Variants in LIPA observed in about 807,000 individuals in gnomAD.
The protein encoded by LIPA is lipase A, lysosomal acid type, also known as lysosomal acid lipase/cholesteryl ester hydrolase.
Under a neutral mutation model 40.6 loss-of-function variants are expected in LIPA, and 26 were observed. The ratio of observed to expected loss-of-function variants is 0.64; its 90% CI spans 0.47 to 0.89. The LOEUF is 0.89. Ranked by LOEUF, LIPA falls within the 40% of genes least tolerant of loss-of-function variation. The pLI is 0.00. For missense variants in LIPA, 455 were observed against 479.6 expected (o/e 0.95, Z 0.48); for synonymous variants, 188 against 168.4 (o/e 1.12, Z -0.90).
At position 89,384,900 on chromosome 10, in the gene LIPA, T is replaced by C; in HGVS notation, c.61+27891A>G. The C allele has an allele frequency of 5.0e-6, 3 of 597,934 alleles. No individual in the cohort carries two copies. In the East Asian group the frequency reaches 8.4e-5, roughly 17 times the overall value. The allele number at this position is 597,934 out of a possible 1,614,324, so 37.0% of individuals were successfully genotyped here. On this transcript the variant is annotated intron_variant, in intron 2 of 8. Coordinates refer to the LIPA transcript ENST00000371837. The stretch of plus-strand genomic sequence containing the variant: ...TTATGTAGCATGCAACTGCAACTTC[T>C]GCTTTTTCCTGTAAATGATCAGGAA...
At position 89,226,999 on chromosome 10, in the gene LIPA, T is replaced by C; in HGVS notation, c.434A>G (p.Asp145Gly). 1.9e-6 allele frequency: 3 copies of C among 1,587,650 alleles called. No homozygotes were observed. Among genetic ancestry groups the C allele is most frequent in the Non-Finnish European group, 2.6e-6 (3 of 1,155,868 alleles). The stretch of plus-strand genomic sequence containing the variant: ...TGGTAGGTCATATTTTGCCATCTCA[T>C]CATAACTGTAATCCAAGAAAGGAAC... ...SQDEFWAFSY[D>G]EMAKYDLPAS... Residue 145 changes from aspartate (D) to glycine (G), a missense_variant, in exon 5 of 10, where the codon GAT becomes GGT. Physicochemically the swap from Asp to Gly is moderately conservative, Grantham distance 94. Coordinates refer to ENST00000336233, the MANE Select transcript of LIPA (RefSeq NM_000235.4).
At chr10:89,381,936 T>G (rs756924233) in intron 2 of LIPA, among the ~76,000 whole-genome samples, 1 of 151,886 alleles carries the variant, frequency 6.6e-6, no homozygotes, top group African/African-American at 2.4e-5. Context: ...CGCTGGCTAA[T>G]TTTTTGTATT....
At chr10:89,268,424 T>C (rs1477123462) in intron 1 of LIPA, among the ~76,000 whole-genome samples, 2 of 152,244 alleles carry the variant, frequency 1.3e-5, no homozygotes, top group Non-Finnish European at 2.9e-5. Context: ...GACAGTAATT[T>C]TTTTTATAAA....
intron 1 of LIPA, among the ~76,000 whole-genome samples, chr10:89,320,123 C>A (rs1024535961): frequency 4.6e-5 from 7 of 152,114 alleles, no homozygotes; most frequent in African/African-American, 7.2e-5. Flanking sequence ...ACTGAATGGG[C>A]AAAAACTGGA....
chr10:89,332,714 T>G (rs946786963), intron 1 of LIPA: 2 of 1,307,138 alleles, frequency 1.5e-6, no homozygotes, highest in Non-Finnish European at 2.2e-6. Flanking sequence ...TGCTTAGAGA[T>G]GAAATATGCA....
chr10:89,222,542 G>A lies in LIPA; in HGVS notation c.863C>T (p.Thr288Ile), dbSNP rs1306336545. The A allele has an allele frequency of 1.2e-6, 2 of 1,610,564 alleles. No individual in the cohort carries two copies. ...DVYTTHSPAGTSVQNMLHWSQ... is the reference protein window; with the variant it reads ...DVYTTHSPAGISVQNMLHWSQ... Reference sequence around the variant, plus strand: ...CCAGTGTAACATGTTTTGCACAGAAGTTCCAGCAGGAGAATGTGTTGTATA... The same window carrying A: ...CCAGTGTAACATGTTTTGCACAGAAATTCCAGCAGGAGAATGTGTTGTATA... Residue 288 changes from threonine to isoleucine, a missense_variant, in exon 8 of 10, where the codon ACT becomes ATT. Transcript: ENST00000336233.
intron 2 of LIPA, among the ~76,000 whole-genome samples, chr10:89,370,083 C>T (rs1448368147): frequency 3.9e-5 from 6 of 152,240 alleles, no homozygotes; most frequent in South Asian, 2.1e-4. Context: ...AGCCACTATG[C>T]AGCTATTTCA....
intron 1 of LIPA, among the ~76,000 whole-genome samples, chr10:89,287,816 A>G (rs1375783091): frequency 6.6e-6 from 1 of 152,188 alleles, no homozygotes; most frequent in Non-Finnish European, 1.5e-5. Flanking sequence ...GACAGGTCTT[A>G]CAGGTTAGTT....
intron 1 of LIPA, among the ~76,000 whole-genome samples, chr10:89,325,123 C>T (rs1843591945): frequency 6.6e-6 from 1 of 152,110 alleles, no homozygotes; most frequent in African/African-American, 2.4e-5. Context: ...TACTCAATAT[C>T]ATTAATCATT....
intron 2 of LIPA, among the ~76,000 whole-genome samples, chr10:89,381,054 C>T (rs1844159010): frequency 6.6e-6 from 1 of 152,120 alleles, no homozygotes; most frequent in Non-Finnish European, 1.5e-5. Context: ...CAATGCATGG[C>T]CATGATTAGA....
At chr10:89,338,022 G>A (rs1401499469) in intron 1 of LIPA, among the ~76,000 whole-genome samples, 2 of 152,180 alleles carry the variant, frequency 1.3e-5, no homozygotes, top group African/African-American at 2.4e-5. Context: ...GTAGGCTAAT[G>A]TAAGGGTTCT....
At chr10:89,268,985 C>A (rs1254127207) in intron 1 of LIPA, among the ~76,000 whole-genome samples, 22 of 140,054 alleles carry the variant, frequency 1.6e-4, no homozygotes, top group South Asian at 2.3e-4. Context: ...GACTCTGTCT[C>A]AAAAAAAAAA....
chr10:89,337,014 GA>G (rs1196892376), intron 1 of LIPA, among the ~76,000 whole-genome samples: 8 of 152,218 alleles, frequency 5.3e-5, no homozygotes, highest in Non-Finnish European at 8.8e-5. Flanking sequence ...AAACAAAAAT[GA>G]GTCCATTTTG....
chr10:89,264,969 G>A (rs1018311044), intron 1 of LIPA, among the ~76,000 whole-genome samples: 12 of 152,300 alleles, frequency 7.9e-5, no homozygotes, highest in Admixed American at 7.8e-4. Context: ...GCAACCCTCA[G>A]CACCATCCTC....
At chr10:89,229,128 C>G (rs781270847) in intron 3 of LIPA, among the ~76,000 whole-genome samples, 1 of 152,142 alleles carries the variant, frequency 6.6e-6, no homozygotes, top group Admixed American at 6.5e-5. Flanking sequence ...TAAATGAATG[C>G]ATAACTAAAC....
At chr10:89,255,147 G>A (rs932823369), upstream of LIPA, among the ~76,000 whole-genome samples, 1 of 152,080 alleles carries the variant, frequency 6.6e-6, no homozygotes, top group Non-Finnish European at 1.5e-5. Flanking sequence ...CATTCTACTG[G>A]TACCAATTTA....
At chr10:89,319,985 G>A (rs1443905301) in intron 1 of LIPA, among the ~76,000 whole-genome samples, 1 of 152,176 alleles carries the variant, frequency 6.6e-6, no homozygotes, top group Non-Finnish European at 1.5e-5. Context: ...TATCTCAATA[G>A]ATGCAGAAAA....
chr10:89,225,297 CCGTCACT>C (rs1340261211), intron 5 of LIPA, 69 bp from the exon 6 acceptor site: 22 of 1,596,000 alleles, frequency 1.4e-5, no homozygotes, highest in Admixed American at 3.3e-5. Flanking sequence ...AACACAAAGG[CCGTCACT>C]CGCGACGCCC....
chr10:89,230,737 A>AT (rs998463719), intron 3 of LIPA, among the ~76,000 whole-genome samples: 1 of 152,212 alleles, frequency 6.6e-6, no homozygotes, highest in African/African-American at 2.4e-5. Context: ...GATAATACAC[A>AT]TTTTATAGGA....
Sources: gnomAD v4.1 joint callset for allele counts (sites outside exome capture counted in the v4.1 genomes callset) on GRCh38, gnomAD v4.1.1 for gene constraint, MANE v1.5 for transcripts, NCBI Gene and HGNC (gene_info 2026-07-23, HGNC 2026-07-21) for gene names.